IQCE: variants seen among roughly 807,000 people sequenced by gnomAD.
The protein encoded by IQCE is IQ domain-containing protein E.
Under a neutral mutation model 96.0 loss-of-function variants are expected in IQCE, and 115 were observed. The ratio of observed to expected loss-of-function variants is 1.20; its 90% confidence interval spans 1.03 to 1.40. The LOEUF (loss-of-function observed/expected upper bound fraction) is 1.40, where lower values mean the gene tolerates loss of function less well. Among genes scored for constraint, IQCE ranks in the 40% most tolerant of loss-of-function variants. IQCE has a pLI of 0.00. For synonymous variants in IQCE, 412 were observed against 371.2 expected (o/e 1.11, Z -1.26); for missense variants, 1,041 against 909.1 (o/e 1.15, Z -1.87).
chr7:2,573,458 T>G lies in IQCE; in HGVS notation c.435T>G (p.Asp145Glu). ...CTCCTGTCTACAGAGAAAAAGAAGA[T>G]ATGTATGACGAGATTATTGAGTTAA... The part of the protein sequence containing the change: ...PGTPVYREKE[D>E]MYDEIIELKK... The change falls in exon 6 of 22, where the codon GAT (aspartate) becomes GAG (glutamate). Residue 145 changes from aspartate (D) to glutamate (E), a missense_variant. By Grantham distance (45) the Asp-to-Glu change is conservative (BLOSUM62 2). Coordinates refer to ENST00000402050, the MANE Select transcript of IQCE (RefSeq NM_152558.5). 6.5e-7 allele frequency: 1 copy of G among 1,548,010 alleles called. No individual in the cohort carries two copies.
At chr7:2,570,473 T>A (rs1196938083) in intron 3 of IQCE, among the ~76,000 whole-genome samples, 1 of 151,984 alleles carries the variant, frequency 6.6e-6, no homozygotes, top group Non-Finnish European at 1.5e-5. Context: ...GGCCAGGTTC[T>A]GTGGTCCCGG....
chr7:2,603,035 G>A (rs986894743), intron 18 of IQCE, among the ~76,000 whole-genome samples: 3 of 152,080 alleles, frequency 2.0e-5, no homozygotes, highest in Admixed American at 1.3e-4. Context: ...CTCCGTGCCT[G>A]GCCTCCTGGT....
Position 2,598,618 on chromosome 7 carries a change from G to A in IQCE, c.1594G>A (p.Val532Met), listed in dbSNP as rs1343737674. The change falls in exon 17 of 22, where the codon GTG (valine) becomes ATG (methionine). Residue 532 changes from valine (V) to methionine (M), a missense_variant. By Grantham distance (21) the Val-to-Met change is conservative. Coordinates refer to ENST00000402050, the MANE Select transcript of IQCE (RefSeq NM_152558.5). ...CAGAGTCCTGCAGGCCCAGTGGAAGGTGTACAAGCACAAGGTGAGGCTCCC... is the reference window on the plus strand; with the variant it reads ...CAGAGTCCTGCAGGCCCAGTGGAAGATGTACAAGCACAAGGTGAGGCTCCC... The part of the protein sequence containing the change: ...AARVLQAQWK[V>M]YKHKKKKAVL... 2 of 1,567,802 alleles carry A rather than the reference G, an allele frequency of 1.3e-6. No individual in the cohort carries two copies. Among genetic ancestry groups the A allele is most frequent in the Non-Finnish European group, 1.7e-6 (2 of 1,156,916 alleles).
At chr7:2,605,627 A>T (rs1172891225) in intron 19 of IQCE, among the ~76,000 whole-genome samples, 1 of 146,258 alleles carries the variant, frequency 6.8e-6, no homozygotes, top group Non-Finnish European at 1.5e-5. Context: ...CTCAAAAATA[A>T]ATAAATAAGT....
chr7:2,596,327 G>C (rs540187029), intron 16 of IQCE, among the ~76,000 whole-genome samples: 7 of 151,020 alleles, frequency 4.6e-5, no homozygotes, highest in Admixed American at 6.6e-5. Context: ...GAGAGAGAGA[G>C]AGAGAGAGAA....
chr7:2,576,133 G>A (rs1174506447), intron 6 of IQCE, among the ~76,000 whole-genome samples: 2 of 152,194 alleles, frequency 1.3e-5, no homozygotes, highest in African/African-American at 4.8e-5. Context: ...GAAGTGCCGA[G>A]CCGCCCCCGC....
At chr7:2,579,119 C>G (rs1782451302) in intron 8 of IQCE, among the ~76,000 whole-genome samples, 2 of 151,244 alleles carry the variant, frequency 1.3e-5, no homozygotes, top group Non-Finnish European at 2.9e-5. Flanking sequence ...TAGATCCAGA[C>G]CCCCCTCAGA....
At chr7:2,567,012 T>G in intron 1 of IQCE, 104 bp from the exon 2 acceptor site, 1 of 919,582 alleles carries the variant, frequency 1.1e-6, no homozygotes, top group Non-Finnish European at 1.8e-6. Context: ...TTCTGGAGTT[T>G]CTGTTTCAGC....
chr7:2,601,638 C>T, intron 18 of IQCE, 174 bp downstream of exon 18: 2 of 601,448 alleles, frequency 3.3e-6, no homozygotes, highest in Non-Finnish European at 6.1e-6. Context: ...CAACCTCCGC[C>T]TCCTGGGTTC....
chr7:2,601,237 C>T (rs987155771), intron 17 of IQCE, among the ~76,000 whole-genome samples: 7 of 152,162 alleles, frequency 4.6e-5, no homozygotes, highest in Admixed American at 6.5e-5. Context: ...GGAGAATTCC[C>T]GCCATCCTAA....
chr7:2,598,736 C>A, intron 17 of IQCE, 104 bp downstream of exon 17: 1 of 1,027,144 alleles, frequency 9.7e-7, no homozygotes. Flanking sequence ...GCCAGCCAGG[C>A]CCCAGGTGTC....
chr7:2,607,743 G>C (rs2247492), intron 21 of IQCE, among the ~76,000 whole-genome samples: 34,409 of 152,078 alleles, frequency 0.23, 4,686 homozygotes, highest in East Asian at 0.45. Context: ...CTAGACAGCT[G>C]GAAAGCCACT....
chr7:2,598,661 C>T, intron 17 of IQCE, 29 bp downstream of exon 17: 2 of 1,476,228 alleles, frequency 1.4e-6, no homozygotes, highest in East Asian at 5.0e-5. Context: ...ACCCGGGCTG[C>T]TCCCTGTGAG....
At chr7:2,559,277 G>T (rs540448162) in intron 1 of IQCE, 60 bp downstream of exon 1, 37 of 1,071,086 alleles carry the variant, frequency 3.5e-5, no homozygotes, top group Non-Finnish European at 4.2e-5. Context: ...GCTCGTCTCC[G>T]TCGCCCGCAG....
In IQCE at chr7:2,613,968, C is replaced by A. The variant is rs145864354; in HGVS notation, c.*3806C>A. 6.6e-6 allele frequency: 1 copy of A among 152,134 alleles called. No homozygotes were observed. Among genetic ancestry groups the A allele is most frequent in the Non-Finnish European group, 1.5e-5 (1 of 68,028 alleles). 9.4% of individuals were successfully genotyped at this position (152,134 alleles called of 1,614,324 possible). A position where few individuals can be genotyped will look rare whatever the true frequency, so the allele number is the denominator to read the frequency against. ...TGGACAAAGTAGCTTTTTCTTTGCT[C>A]GTTTGTCTGTGTATTAAGAAGAGAC... On this transcript the variant is annotated 3_prime_UTR_variant, in exon 22 of 22. Transcript: ENST00000402050.
chr7:2,587,026 G>C (rs1402206962), intron 12 of IQCE, among the ~76,000 whole-genome samples: 1 of 152,248 alleles, frequency 6.6e-6, no homozygotes, highest in Non-Finnish European at 1.5e-5. Flanking sequence ...CGGGCTGCTG[G>C]TGGCCTGGAT....
At position 2,593,139 on chromosome 7, in the gene IQCE, G is replaced by A; in HGVS notation, c.1349+13G>A. On this transcript the variant is annotated intron_variant, in intron 15 of 21. Coordinates refer to ENST00000402050, the MANE Select transcript of IQCE (RefSeq NM_152558.5). ...AGGAGGTTTTGAGGTATGTGACCCG[G>A]GTCAGGGCTGGAGAGGACCCAGGCG... 1.2e-6 allele frequency: 2 copies of A among 1,606,370 alleles called. No homozygotes were observed. The highest frequency in any genetic ancestry group is 1.7e-6 in the Non-Finnish European group (2 of 1,174,690).
intron 1 of IQCE, among the ~76,000 whole-genome samples, chr7:2,560,825 C>T (rs190769651): frequency 0.087 from 12,975 of 149,276 alleles, 617 homozygotes; most frequent in South Asian, 0.15. Flanking sequence ...GGCGTGGTGG[C>T]GGGCGCCTGT....
At chr7:2,562,298 A>G (rs971753560) in intron 1 of IQCE, among the ~76,000 whole-genome samples, 8 of 151,596 alleles carry the variant, frequency 5.3e-5, no homozygotes, top group African/African-American at 1.9e-4. Flanking sequence ...ATATATATAT[A>G]TATAAAATCC....
Sources: gnomAD v4.1 joint callset for allele counts (sites outside exome capture counted in the v4.1 genomes callset) on GRCh38, gnomAD v4.1.1 for gene constraint, MANE v1.5 for transcripts, NCBI Gene and HGNC (gene_info 2026-07-23, HGNC 2026-07-21) for gene names.